The following CR1 variants were observed in gnomAD, a reference collection of about 807,000 sequenced individuals.
The protein encoded by CR1 is complement C3b/C4b receptor 1 (Knops blood group), also known as complement receptor type 1.
A neutral mutation model predicts 187.3 loss-of-function variants in CR1; 116 were observed. That is an observed-to-expected ratio of 0.62 (90% confidence interval 0.53 to 0.72). CR1 has a LOEUF of 0.72. CR1 is among the 30% of genes least tolerant of loss of function. The pLI is 0.00. For missense variants in CR1, 1,731 were observed against 2,110.7 expected (o/e 0.82, Z 3.52); for synonymous variants, 576 against 747.1 (o/e 0.77, Z 3.73).
chr1:207,614,811 A>G (rs757266005), intron 40 of CR1, among the ~76,000 whole-genome samples: 1 of 152,026 alleles, frequency 6.6e-6, no homozygotes. Flanking sequence ...AATCTTTCTT[A>G]AATTTTTATT....
In CR1 at chr1:207,566,579, G is replaced by A. The variant is rs555886914; in HGVS notation, c.3952+656G>A. On this transcript the variant is annotated intron_variant, in intron 24 of 46. Coordinates refer to ENST00000367049, the MANE Select transcript of CR1 (RefSeq NM_000651.6). ...CTATGAGACAATAGAGCAAAGCACT[G>A]AGGAATGAGGCAAAAATGGGGAGCA... Among the ~76,000 whole-genome samples, 27 of 150,358 alleles carry A rather than the reference G, an allele frequency of 1.8e-4. 1 individual carries two copies. In the South Asian group the frequency reaches 4.0e-3, roughly 22 times the overall value.
chr1:207,640,900 A>G lies in CR1; in HGVS notation c.*1491A>G, dbSNP rs1016704719. The G allele has an allele frequency of 1.3e-5, 2 of 152,238 alleles. No individual in the cohort carries two copies. The highest frequency in any genetic ancestry group is 1.3e-4 in the Admixed American group (2 of 15,286). The allele number at this position is 152,238 out of a possible 1,614,324, so 9.4% of individuals were successfully genotyped here. ...TGAACCTGAATTTCAATTTAAAATC[A>G]TGGAAGAGAGGGAAAAAAAACCAGC... On this transcript the variant is annotated 3_prime_UTR_variant, in exon 47 of 47. Transcript: ENST00000367049.
intron 1 of CR1, among the ~76,000 whole-genome samples, chr1:207,503,164 C>A (rs962425069): frequency 1.3e-5 from 2 of 152,116 alleles, no homozygotes; most frequent in Non-Finnish European, 2.9e-5. Context: ...ACTTTTGATT[C>A]TCCCTGCAAA....
intron 33 of CR1, among the ~76,000 whole-genome samples, chr1:207,586,458 G>A (rs1276395425): frequency 6.6e-6 from 1 of 152,162 alleles, no homozygotes; most frequent in Non-Finnish European, 1.5e-5. Flanking sequence ...ATCTTTAAAT[G>A]CCTGGTTTAG....
At chr1:207,606,327 G>C (rs1245391013) in intron 35 of CR1, 1 of 152,232 alleles carries the variant, frequency 6.6e-6, no homozygotes, top group Non-Finnish European at 1.5e-5. Context: ...AAGGTGAGAA[G>C]TGAAACCTTT....
intron 39 of CR1, among the ~76,000 whole-genome samples, chr1:207,614,104 G>A (rs1662022503): frequency 6.6e-6 from 1 of 152,176 alleles, no homozygotes; most frequent in Non-Finnish European, 1.5e-5. Flanking sequence ...CTGTGTTCAT[G>A]CCTTCTGTAG....
chr1:207,575,472 A>G, intron 27 of CR1, 123 bp from the exon 28 acceptor site: 1 of 1,199,266 alleles, frequency 8.3e-7, no homozygotes. Context: ...AACAATAGGT[A>G]AAGTTTAGGC....
intron 35 of CR1, among the ~76,000 whole-genome samples, chr1:207,596,444 T>A (rs554126383): frequency 1.2e-4 from 18 of 151,854 alleles, no homozygotes; most frequent in African/African-American, 4.3e-4. Context: ...AGAAACCCTG[T>A]CTCTACTAAA....
chr1:207,615,261 C>T (rs1206981320), intron 40 of CR1, among the ~76,000 whole-genome samples: 8 of 152,088 alleles, frequency 5.3e-5, no homozygotes. Flanking sequence ...AGTGAAGACA[C>T]CTCCCTACTT....
chr1:207,513,360 A>C (rs1413951360), intron 4 of CR1, among the ~76,000 whole-genome samples: 2 of 152,212 alleles, frequency 1.3e-5, no homozygotes, highest in African/African-American at 4.8e-5. Context: ...CAATGGCAAC[A>C]GTTCCCATTG....
At chr1:207,631,608 G>C (rs776465155) in intron 46 of CR1, among the ~76,000 whole-genome samples, 10 of 152,034 alleles carry the variant, frequency 6.6e-5, no homozygotes, top group Non-Finnish European at 1.2e-4. Flanking sequence ...CCTCTCTTTT[G>C]TTCAAATCTT....
chr1:207,592,157 G>T (rs530542994), intron 35 of CR1, among the ~76,000 whole-genome samples: 1 of 152,152 alleles, frequency 6.6e-6, no homozygotes, highest in South Asian at 2.1e-4. Flanking sequence ...AAAATTTCAG[G>T]CCAATATCCC....
Position 207,523,752 on chromosome 1 carries a change from A to G in CR1, c.629A>G (p.Glu210Gly), listed in dbSNP as rs765435100. Residue 210 changes from glutamate to glycine, a missense_variant, in exon 5 of 47, where the codon GAG becomes GGG. Glu to Gly is a moderately conservative substitution (Grantham distance 98). Coordinates refer to ENST00000367049, the MANE Select transcript of CR1 (RefSeq NM_000651.6). ...AGAAAGGTGTTTGAGCTTGTGGGTG[A>G]GCCCTCCATATACTGCACCAGCAAT... ...GGRKVFELVG[E>G]PSIYCTSNDD... 24 of 1,612,028 alleles carry G rather than the reference A, an allele frequency of 1.5e-5. No individual in the cohort carries two copies. Among genetic ancestry groups the G allele is most frequent in the African/African-American group, 4.0e-5 (3 of 74,846 alleles).
At chr1:207,596,043 A>G (rs142972649) in intron 35 of CR1, among the ~76,000 whole-genome samples, 2,533 of 138,580 alleles carry the variant, frequency 0.018, 63 homozygotes, top group African/African-American at 0.065. Context: ...TAAAATCTAT[A>G]TATCTATATC....
chr1:207,605,858 C>T (rs1157974357), intron 35 of CR1: 4 of 152,100 alleles, frequency 2.6e-5, no homozygotes, highest in African/African-American at 7.2e-5. Context: ...TCAATCAGTA[C>T]CTAAAACGTA....
rs183087939 is a variant in CR1, at chr1:207,602,781, G to T, written c.5811-4470G>T. Among the ~76,000 whole-genome samples, 65 of 152,126 alleles carry T rather than the reference G, an allele frequency of 4.3e-4. 2 individuals carry two copies. The highest frequency in any genetic ancestry group is 1.5e-3 in the African/African-American group (61 of 41,526). ...AAAACCCGAAGGAATTATTTGAAAG[G>T]TTATTAGAATAGGAAATGGTAGTGA... is the stretch of plus-strand genomic sequence containing the variant. On this transcript the variant is annotated intron_variant, in intron 35 of 46. Coordinates refer to ENST00000367049, the MANE Select transcript of CR1 (RefSeq NM_000651.6).
rs200399748 is a variant in CR1, at chr1:207,526,788, C to T, written c.922C>T (p.Arg308Cys). The change falls in exon 6 of 47, where the codon CGT (arginine) becomes TGT (cysteine). Residue 308 changes from arginine (R) to cysteine (C), a missense_variant. Arg to Cys is a radical substitution (Grantham distance 180). Transcript: ENST00000367049. ...QPPPDVLHAE[R>C]TQRDKDNFSP... ...ACCTCCAGATGTCCTGCATGCTGAG[C>T]GTACCCAAAGGGACAAGGACAACTT... 326 of 1,517,564 alleles carry T rather than the reference C, an allele frequency of 2.1e-4. 40 individuals are homozygous for T. The highest frequency in any genetic ancestry group is 2.8e-4 in the Non-Finnish European group (321 of 1,143,376). The allele number at this position is 1,517,564 out of a possible 1,614,324, so 94.0% of individuals were successfully genotyped here. A position where few individuals can be genotyped will look rare whatever the true frequency, so the allele number is the denominator to read the frequency against.
chr1:207,605,553 C>T (rs566076072), intron 35 of CR1, among the ~76,000 whole-genome samples: 2 of 152,162 alleles, frequency 1.3e-5, no homozygotes, highest in East Asian at 1.9e-4. Flanking sequence ...TAGGCTGGAA[C>T]CTTCTTCACA....
At chr1:207,501,483 G>A (rs543912180) in intron 1 of CR1, among the ~76,000 whole-genome samples, 1 of 152,216 alleles carries the variant, frequency 6.6e-6, no homozygotes, top group East Asian at 1.9e-4. Flanking sequence ...ATTTGTCATA[G>A]GAACTAGTCA....
Sources: gnomAD v4.1 joint callset for allele counts (sites outside exome capture counted in the v4.1 genomes callset) on GRCh38, gnomAD v4.1.1 for gene constraint, MANE v1.5 for transcripts, NCBI Gene and HGNC (gene_info 2026-07-23, HGNC 2026-07-21) for gene names.